Variants in NT5C3A observed in about 807,000 individuals in gnomAD.
NT5C3A encodes 5'-nucleotidase, cytosolic IIIA, also known as cytosolic 5'-nucleotidase 3A.
Under a neutral mutation model 40.0 loss-of-function variants are expected in NT5C3A, and 23 were observed. The observed-to-expected ratio is 0.58, with a 90% CI of 0.41 to 0.81. NT5C3A has a LOEUF of 0.81. NT5C3A is among the 40% of genes least tolerant of loss of function. NT5C3A has a pLI of 0.00. For missense variants in NT5C3A, 328 were observed against 403.0 expected (o/e 0.81, Z 1.59); for synonymous variants, 130 against 141.4 (o/e 0.92, Z 0.57).
chr7:33,028,755 C>T (rs993962866), intron 1 of NT5C3A, among the ~76,000 whole-genome samples: 1 of 151,808 alleles, frequency 6.6e-6, no homozygotes, highest in Non-Finnish European at 1.5e-5. Context: ...AAGATGATAA[C>T]GAAAGTGTAG....
At chr7:33,030,366 CCT>C (rs1786177835) in intron 1 of NT5C3A, among the ~76,000 whole-genome samples, 1 of 152,064 alleles carries the variant, frequency 6.6e-6, no homozygotes, top group South Asian at 2.1e-4. Context: ...TGTCTATATC[CCT>C]CTTATAAAAA....
intron 1 of NT5C3A, among the ~76,000 whole-genome samples, chr7:33,031,771 AC>A (rs1450077867): frequency 8.5e-5 from 13 of 152,136 alleles, no homozygotes; most frequent in Admixed American, 7.2e-4. Context: ...AATTACTTGT[AC>A]TTTTAATTTA....
In NT5C3A at chr7:33,036,022, GA is replaced by G. The variant is rs201758497; in HGVS notation, c.139-9108del. ...TCCCAGGTGATGTCACAGCAAAAGAGAAAAAAAAAAGTACACGTGACATACA... is the reference window on the plus strand; with the variant it reads ...TCCCAGGTGATGTCACAGCAAAAGAGAAAAAAAAAGTACACGTGACATACA... On this transcript the variant is annotated intron_variant, in intron 1 of 8. Coordinates refer to ENST00000610140, the MANE Select transcript of NT5C3A (RefSeq NM_001002010.5). The G allele has an allele frequency of 1.2e-3, 1,711 of 1,449,294 alleles. 2 individuals are homozygous for G. Among genetic ancestry groups the G allele is most frequent in the East Asian group, 6.1e-3 (250 of 40,726 alleles). The allele number at this position is 1,449,294 out of a possible 1,614,324, so 89.8% of individuals were successfully genotyped here.
At chr7:33,031,911 G>A (rs1020499553) in intron 1 of NT5C3A, among the ~76,000 whole-genome samples, 1 of 152,166 alleles carries the variant, frequency 6.6e-6, no homozygotes, top group Non-Finnish European at 1.5e-5. Flanking sequence ...GATCACCTAA[G>A]GTCAGGAGTT....
intron 1 of NT5C3A, among the ~76,000 whole-genome samples, chr7:33,042,272 G>C (rs1352074365): frequency 6.6e-6 from 1 of 152,126 alleles, no homozygotes; most frequent in Non-Finnish European, 1.5e-5. Flanking sequence ...GGAGGTTGCA[G>C]TGAGCTGAGA....
intron 1 of NT5C3A, among the ~76,000 whole-genome samples, chr7:33,060,135 T>C (rs1053588968): frequency 2.0e-5 from 3 of 152,132 alleles, no homozygotes; most frequent in Admixed American, 6.5e-5. Context: ...TTATTTTCTG[T>C]AGAGAAAGGG....
chr7:33,017,367 A>G, intron 7 of NT5C3A, 72 bp downstream of exon 7: 4 of 1,236,140 alleles, frequency 3.2e-6, no homozygotes, highest in Non-Finnish European at 4.6e-6. Context: ...ATATTAAGTA[A>G]CAATAAATAA....
At position 33,045,462 on chromosome 7, in the gene NT5C3A, AT is replaced by A. The variant is rs763139628; in HGVS notation, c.138+17105del. Among the ~76,000 whole-genome samples, 577 of 146,202 alleles carry A rather than the reference AT, an allele frequency of 3.9e-3. 1 individual carries two copies. Among genetic ancestry groups the A allele is most frequent in the Non-Finnish European group, 4.1e-3 (272 of 65,998 alleles). The stretch of plus-strand genomic sequence containing the variant: ...TTTGAAAATGAATGGCAAATGAAAA[AT>A]TTTTTTTTTTTTTTGAGACGGAGTC... On this transcript the variant is annotated intron_variant, in intron 1 of 8. Coordinates refer to ENST00000610140, the MANE Select transcript of NT5C3A (RefSeq NM_001002010.5).
intron 1 of NT5C3A, among the ~76,000 whole-genome samples, chr7:33,028,054 C>T (rs1454277801): frequency 1.3e-5 from 2 of 152,222 alleles, no homozygotes; most frequent in Admixed American, 6.5e-5. Flanking sequence ...AAAGCTGCTT[C>T]AAGATCTTTG....
chr7:33,030,244 T>A (rs926623597), intron 1 of NT5C3A, among the ~76,000 whole-genome samples: 7 of 152,170 alleles, frequency 4.6e-5, no homozygotes, highest in Admixed American at 1.3e-4. Context: ...ATAAGCACAC[T>A]GTAGAAGTAT....
rs533910542 is a variant in NT5C3A, at chr7:33,014,248, A to G, written c.*482T>C. ...CCAACACTAACTGCTAGTCTTTTCC[A>G]GTAAATATTTTTTCCCCAGACAAAA... On this transcript the variant is annotated 3_prime_UTR_variant, in exon 9 of 9. Coordinates refer to ENST00000610140, the MANE Select transcript of NT5C3A (RefSeq NM_001002010.5). 30 of 454,546 alleles carry G rather than the reference A, an allele frequency of 6.6e-5. No individual in the cohort carries two copies. In the East Asian group the frequency reaches 1.4e-3, roughly 21 times the overall value. 28.2% of individuals were successfully genotyped at this position (454,546 alleles called of 1,614,324 possible).
intron 1 of NT5C3A, among the ~76,000 whole-genome samples, chr7:33,050,040 CAG>C (rs1583963615): frequency 1.4e-5 from 2 of 146,746 alleles, no homozygotes; most frequent in Non-Finnish European, 1.5e-5. Context: ...ATTACCCAAA[CAG>C]GGAAACTTTA....
At chr7:33,032,847 G>A (rs1786359364) in intron 1 of NT5C3A, among the ~76,000 whole-genome samples, 1 of 152,148 alleles carries the variant, frequency 6.6e-6, no homozygotes, top group South Asian at 2.1e-4. Context: ...TTGACCTCCT[G>A]GGCTCAATAG....
intron 7 of NT5C3A, among the ~76,000 whole-genome samples, chr7:33,016,586 C>G (rs564527705): frequency 2.4e-4 from 35 of 147,644 alleles, no homozygotes; most frequent in African/African-American, 8.8e-4. Flanking sequence ...GGGAGAATTG[C>G]TTGAACCTGG....
chr7:33,042,799 A>C (rs545679395), intron 1 of NT5C3A, among the ~76,000 whole-genome samples: 1 of 152,150 alleles, frequency 6.6e-6, no homozygotes, highest in Non-Finnish European at 1.5e-5. Context: ...AGTACACAAA[A>C]CTTTAGCTGC....
At chr7:33,036,387 CT>C in intron 1 of NT5C3A, 1 of 251,798 alleles carries the variant, frequency 4.0e-6, no homozygotes, top group Non-Finnish European at 7.9e-6. Flanking sequence ...ACCCATCTTG[CT>C]TTCGGGAGTG....
intron 1 of NT5C3A, among the ~76,000 whole-genome samples, chr7:33,041,677 A>G (rs927259351): frequency 2.0e-5 from 3 of 152,186 alleles, no homozygotes; most frequent in Non-Finnish European, 4.4e-5. Context: ...TCTGTTTTTA[A>G]AAATGGGGGG....
At chr7:33,037,592 C>G (rs561851839) in intron 1 of NT5C3A, among the ~76,000 whole-genome samples, 1 of 152,240 alleles carries the variant, frequency 6.6e-6, no homozygotes, top group African/African-American at 2.4e-5. Context: ...CTACTCCCTT[C>G]CATTTTAAGT....
At chr7:33,047,351 G>A (rs549533679) in intron 1 of NT5C3A, among the ~76,000 whole-genome samples, 10 of 152,120 alleles carry the variant, frequency 6.6e-5, no homozygotes, top group Non-Finnish European at 1.3e-4. Flanking sequence ...TTCTTACTGT[G>A]CCACATAAAC....
Sources: gnomAD v4.1 joint callset for allele counts (sites outside exome capture counted in the v4.1 genomes callset) on GRCh38, gnomAD v4.1.1 for gene constraint, MANE v1.5 for transcripts, NCBI Gene and HGNC (gene_info 2026-07-23, HGNC 2026-07-21) for gene names.